SAMMSON: variants seen among roughly 807,000 people sequenced by gnomAD.
SAMMSON encodes long intergenic non-protein coding RNA 1212.
chr3:70,227,688 A>G (rs1248581901), intron 4 of SAMMSON, among the ~76,000 whole-genome samples: 1 of 152,226 alleles, frequency 6.6e-6, no homozygotes, highest in Non-Finnish European at 1.5e-5. Flanking sequence ...GGCTTTTGAG[A>G]TGCCAGATAG....
intron 3 of SAMMSON, among the ~76,000 whole-genome samples, chr3:70,066,263 C>T (rs1316435126): frequency 6.6e-6 from 1 of 151,904 alleles, no homozygotes; most frequent in Non-Finnish European, 1.5e-5. Flanking sequence ...TTTACAGTGC[C>T]CAGTTTGACA....
intron 4 of SAMMSON, chr3:70,125,120 A>C: frequency 1.4e-6 from 2 of 1,453,788 alleles, no homozygotes; most frequent in East Asian, 2.3e-5. Context: ...AGATCGAGCA[A>C]ATTGAACCAC....
intron 4 of SAMMSON, among the ~76,000 whole-genome samples, chr3:70,239,922 TTGTG>T (rs746909047): frequency 2.0e-5 from 3 of 151,380 alleles, no homozygotes; most frequent in Non-Finnish European, 4.4e-5. Context: ...AAATATTACT[TTGTG>T]TGTGTGTGTG....
At chr3:70,374,443 G>A (rs1205149433) in intron 9 of SAMMSON, among the ~76,000 whole-genome samples, 1 of 152,082 alleles carries the variant, frequency 6.6e-6, no homozygotes, top group Non-Finnish European at 1.5e-5. Context: ...CAGAAAAGAG[G>A]ATGGCTCGTT....
chr3:70,346,899 T>C (rs1702755772), intron 7 of SAMMSON, among the ~76,000 whole-genome samples: 1 of 152,174 alleles, frequency 6.6e-6, no homozygotes, highest in Admixed American at 6.6e-5. Flanking sequence ...ATGCTTTAGC[T>C]TCGAGCTGTT....
chr3:70,041,885 A>T (rs1036138240), intron 3 of SAMMSON, among the ~76,000 whole-genome samples: 5 of 152,108 alleles, frequency 3.3e-5, no homozygotes, highest in African/African-American at 9.7e-5. Flanking sequence ...TTAACAGGAA[A>T]AAAATCTTGC....
intron 4 of SAMMSON, among the ~76,000 whole-genome samples, chr3:70,088,583 A>C (rs760072796): frequency 4.6e-5 from 7 of 152,160 alleles, no homozygotes; most frequent in Non-Finnish European, 1.0e-4. Context: ...TAAATTTGGG[A>C]TCTTTTGTAG....
chr3:70,433,453 A>G (rs1398253332), intron 2 of SAMMSON, among the ~76,000 whole-genome samples: 1 of 152,052 alleles, frequency 6.6e-6, no homozygotes, highest in East Asian at 1.9e-4. Context: ...CTGTATCTGC[A>G]TTGTTGGCGG....
At chr3:70,216,561 T>C (rs1392377627) in intron 4 of SAMMSON, among the ~76,000 whole-genome samples, 6 of 152,100 alleles carry the variant, frequency 3.9e-5, no homozygotes, top group Non-Finnish European at 4.4e-5. Flanking sequence ...TCCAAGTCCA[T>C]GTTCCTAACT....
intron 2 of SAMMSON, among the ~76,000 whole-genome samples, chr3:70,414,040 A>G (rs1490390157): frequency 6.6e-6 from 1 of 152,122 alleles, no homozygotes; most frequent in Non-Finnish European, 1.5e-5. Context: ...AGCTTAATAA[A>G]TAGAATATGA....
At chr3:70,170,712 G>C (rs774162542) in intron 4 of SAMMSON, among the ~76,000 whole-genome samples, 2 of 150,158 alleles carry the variant, frequency 1.3e-5, no homozygotes, top group African/African-American at 2.4e-5. Flanking sequence ...TTAAGAGCTA[G>C]ATATGAATAA....
At chr3:70,245,325 T>C (rs1478944194) in intron 4 of SAMMSON, among the ~76,000 whole-genome samples, 2 of 152,038 alleles carry the variant, frequency 1.3e-5, no homozygotes, top group Non-Finnish European at 2.9e-5. Flanking sequence ...TCTCATTGCC[T>C]AAGAGAAAAC....
chr3:70,086,364 G>A (rs2067285613), intron 4 of SAMMSON, among the ~76,000 whole-genome samples: 2 of 152,244 alleles, frequency 1.3e-5, no homozygotes, highest in Non-Finnish European at 2.9e-5. Context: ...ACGAATTTGG[G>A]TATTTTCAAA....
intron 4 of SAMMSON, among the ~76,000 whole-genome samples, chr3:70,207,758 T>C (rs1354942329): frequency 2.6e-5 from 4 of 152,068 alleles, no homozygotes; most frequent in Admixed American, 2.0e-4. Flanking sequence ...GTAAAGTATA[T>C]GGGAGGATAT....
intron 4 of SAMMSON, among the ~76,000 whole-genome samples, chr3:70,217,225 A>G (rs1047692222): frequency 1.3e-5 from 2 of 152,132 alleles, no homozygotes; most frequent in African/African-American, 4.8e-5. Flanking sequence ...AATGCTTAGC[A>G]TTTCTTACAT....
chr3:70,389,809 G>A (rs1701029818), exon 10 of SAMMSON: 1 of 152,152 alleles, frequency 6.6e-6, no homozygotes, highest in South Asian at 2.1e-4. Context: ...ATACCAGTGT[G>A]GATGTCATTT....
At chr3:70,198,242 A>G (rs1182599898) in intron 4 of SAMMSON, among the ~76,000 whole-genome samples, 2 of 152,164 alleles carry the variant, frequency 1.3e-5, no homozygotes, top group Non-Finnish European at 2.9e-5. Context: ...GGGCTTATCA[A>G]TTGATTTAAG....
At chr3:70,369,647 A>G (rs1166181192) in intron 9 of SAMMSON, among the ~76,000 whole-genome samples, 2 of 151,580 alleles carry the variant, frequency 1.3e-5, no homozygotes, top group Non-Finnish European at 3.0e-5. Context: ...GTAATTAAGT[A>G]TTGTGTTAGC....
chr3:70,397,992 A>AT (rs1559580671), intron 2 of SAMMSON, among the ~76,000 whole-genome samples: 1 of 152,134 alleles, frequency 6.6e-6, no homozygotes, highest in African/African-American at 2.4e-5. Context: ...TATGTATTCT[A>AT]TTTTTTCTCA....
Sources: gnomAD v4.1 joint callset for allele counts (sites outside exome capture counted in the v4.1 genomes callset) on GRCh38, gnomAD v4.1.1 for gene constraint, MANE v1.5 for transcripts, NCBI Gene and HGNC (gene_info 2026-07-23, HGNC 2026-07-21) for gene names.